GRK2: variants seen among roughly 807,000 people sequenced by gnomAD.
The protein encoded by GRK2 is G protein-coupled receptor kinase 2, also known as adrenergic beta receptor kinase 1.
A neutral mutation model predicts 97.8 loss-of-function variants in GRK2; 23 were observed. The ratio of observed to expected loss-of-function variants is 0.24; its 90% CI spans 0.17 to 0.33. GRK2 has a LOEUF of 0.33. Ranked by LOEUF, GRK2 falls within the 10% of genes least tolerant of loss-of-function variation. The pLI, the probability that GRK2 is intolerant of heterozygous loss-of-function variation, is 1.00. For missense variants in GRK2, 633 were observed against 956.9 expected (o/e 0.66, Z 4.47); for synonymous variants, 425 against 381.7 (o/e 1.11, Z -1.32).
chr11:67,280,408 G>A, intron 6 of GRK2: 2 of 461,424 alleles, frequency 4.3e-6, no homozygotes, highest in Non-Finnish European at 7.9e-6. Context: ...ATGCAAGCAG[G>A]GACAGGAGAC....
intron 1 of GRK2, among the ~76,000 whole-genome samples, chr11:67,267,856 G>A (rs1377636005): frequency 6.6e-6 from 1 of 152,212 alleles, no homozygotes; most frequent in Non-Finnish European, 1.5e-5. Flanking sequence ...GAGGTGAGTG[G>A]CCTGCCCCGA....
At position 67,285,459 on chromosome 11, in the gene GRK2, C is replaced by T; in HGVS notation, c.*9C>T. 6.5e-7 allele frequency: 1 copy of T among 1,528,904 alleles called. No individual in the cohort carries two copies. The highest frequency in any genetic ancestry group is 1.2e-5 in the South Asian group (1 of 80,906). 94.7% of individuals were successfully genotyped at this position (1,528,904 alleles called of 1,614,324 possible). On this transcript the variant is annotated 3_prime_UTR_variant, in exon 21 of 21. Coordinates refer to ENST00000308595, the MANE Select transcript of GRK2 (RefSeq NM_001619.5). ...GTGCCAACGGCCTCTGACCCGCCCA[C>T]CCGCCTTTTATAAACCTCTAATTTA... is the stretch of plus-strand genomic sequence containing the variant.
In GRK2 at chr11:67,284,284, CAG is replaced by C; in HGVS notation, c.1569_1570del (p.Glu523AspfsTer9). 6.2e-7 allele frequency: 1 copy of C among 1,613,474 alleles called. No individual in the cohort carries two copies. ...TCGGAGCGGTGGCAGCAGGAGGTGG[CAG>C]AGACTGTCTTCGACACCATCAACGC... On this transcript the variant is annotated frameshift_variant, in exon 18 of 21. Transcript: ENST00000308595. LOFTEE classifies it high-confidence loss of function.
chr11:67,280,492 C>T (rs945435292), intron 6 of GRK2: 54 of 587,624 alleles, frequency 9.2e-5, no homozygotes, highest in East Asian at 4.9e-4. Context: ...GATCTGATTC[C>T]AGCAGGAAGC....
Position 67,279,244 on chromosome 11 carries a change from G to T in GRK2, c.235G>T (p.Ala79Ser), listed in dbSNP as rs574869350. 3.7e-6 allele frequency: 6 copies of T among 1,613,696 alleles called. No homozygotes were observed. Among genetic ancestry groups the T allele is most frequent in the African/African-American group, 2.7e-5 (2 of 75,064 alleles). ...CTTCTGCCTGAACCACCTGGAGGAG[G>T]CCAGGCCCTTGGTGGAATTCTATGA... ...RDFCLNHLEE[A>S]RPLVEFYEEI... Residue 79 changes from alanine to serine, a missense_variant, in exon 3 of 21, where the codon GCC becomes TCC. This residue lies in a region of GRK2 where 193 missense variants were observed against 212.2 expected (regional missense o/e 0.91). Transcript: ENST00000308595.
At chr11:67,277,787 C>T (rs1304144510) in intron 2 of GRK2, among the ~76,000 whole-genome samples, 1 of 152,236 alleles carries the variant, frequency 6.6e-6, no homozygotes, top group Non-Finnish European at 1.5e-5. Flanking sequence ...CCCTCCATTC[C>T]TCCTCCAGCT....
In GRK2 at chr11:67,281,105, G is replaced by A; in HGVS notation, c.568G>A (p.Asp190Asn). 3.7e-6 allele frequency: 6 copies of A among 1,612,926 alleles called. No homozygotes were observed. Among genetic ancestry groups the A allele is most frequent in the South Asian group, 2.2e-5 (2 of 91,050 alleles). ...CGCTGCCCCTCAGCTGACCATGAAT[G>A]ACTTCAGCGTGCATCGCATCATTGG... Reference protein sequence around the residue: ...VELNIHLTMNDFSVHRIIGRG... With the variant: ...VELNIHLTMNNFSVHRIIGRG... The change falls in exon 8 of 21, where the codon GAC becomes AAC. Residue 190 changes from aspartate to asparagine, a missense_variant. By Grantham distance (23) the Asp-to-Asn change is conservative (BLOSUM62 1). Around this residue, in one of 4 missense-constraint regions of GRK2, gnomAD observed 192 missense variants for 362.3 expected, o/e 0.53. Coordinates refer to ENST00000308595, the MANE Select transcript of GRK2 (RefSeq NM_001619.5). This position sits in a 1 kb window ranked among gnomAD's most constrained non-coding sequence, Gnocchi z 5.7.
rs1860188301 is a variant in GRK2 at position 67,282,995 on chromosome 11, T to A, written c.1228-133T>A. On this transcript the variant is annotated intron_variant, in intron 14 of 20. Coordinates refer to ENST00000308595, the MANE Select transcript of GRK2 (RefSeq NM_001619.5). The surrounding 1 kb of genome is among the most constrained non-coding windows in gnomAD (Gnocchi z 6.9). ...TCGCCCTCCCCGTGCTGTTGGAGCA[T>A]GACTGCTGGGCGAGCTAGGATGCTG... is the stretch of plus-strand genomic sequence containing the variant. 1 of 1,184,208 alleles carries A rather than the reference T, an allele frequency of 8.4e-7. No homozygotes were observed. Among genetic ancestry groups the A allele is most frequent in the African/African-American group, 1.5e-5 (1 of 67,054 alleles). The allele number at this position is 1,184,208 out of a possible 1,614,324, so 73.4% of individuals were successfully genotyped here. A position where few individuals can be genotyped will look rare whatever the true frequency, so the allele number is the denominator to read the frequency against.
rs1343071055 is a variant in GRK2 at position 67,276,609 on chromosome 11, C to G, written c.114-663C>G. 2 of 152,136 alleles carry G rather than the reference C, an allele frequency of 1.3e-5. No individual in the cohort carries two copies. The highest frequency in any genetic ancestry group is 2.9e-5 in the Non-Finnish European group (2 of 68,034). The allele number at this position is 152,136 out of a possible 1,614,324, so 9.4% of individuals were successfully genotyped here. ...GAGATGCAATTCATATAAAATTCAT[C>G]ATTTTATTATACAATGTAGTGTTTT... On this transcript the variant is annotated intron_variant, in intron 1 of 20. Coordinates refer to ENST00000308595, the MANE Select transcript of GRK2 (RefSeq NM_001619.5). The surrounding 1 kb of genome is among the most constrained non-coding windows in gnomAD (Gnocchi z 4.2).
rs1467648746 is a variant in GRK2 at position 67,282,608 on chromosome 11, G to T, written c.1160+66G>T. 6.3e-7 allele frequency: 1 copy of T among 1,577,564 alleles called. No individual in the cohort carries two copies. The highest frequency in any genetic ancestry group is 1.3e-5 in the African/African-American group (1 of 74,302). On this transcript the variant is annotated intron_variant, in intron 13 of 20. Coordinates refer to ENST00000308595, the MANE Select transcript of GRK2 (RefSeq NM_001619.5). This position sits in a 1 kb window ranked among gnomAD's most constrained non-coding sequence, Gnocchi z 6.9. ...AGAGAAGTTCCTCCCCAATCCAGGT[G>T]GGATGCCAAAGGAGGGGAGCCCATA...
chr11:67,280,659 G>T, intron 6 of GRK2, 73 bp from the exon 7 acceptor site: 2 of 1,563,924 alleles, frequency 1.3e-6, no homozygotes, highest in Admixed American at 1.7e-5. Context: ...TGGCGGCTGG[G>T]TGGGGAGGCT....
In GRK2 at chr11:67,266,505, C is replaced by T. The variant is rs1385391070; in HGVS notation, c.-195C>T. 6 of 144,286 alleles carry T rather than the reference C, an allele frequency of 4.2e-5. No individual in the cohort carries two copies. In the South Asian group the frequency reaches 1.2e-3, roughly 30 times the overall value. 8.9% of individuals were successfully genotyped at this position (144,286 alleles called of 1,614,324 possible). A position where few individuals can be genotyped will look rare whatever the true frequency, so the allele number is the denominator to read the frequency against. ...GCGGGAGCGGAGCGCGAGCCGGGGC[C>T]GGGCCCGAGCCGGCGCCATGGGGCG... is the stretch of plus-strand genomic sequence containing the variant. On this transcript the variant is annotated 5_prime_UTR_variant, in exon 1 of 21. Coordinates refer to ENST00000308595, the MANE Select transcript of GRK2 (RefSeq NM_001619.5).
chr11:67,283,537 AC>A (rs1461207336), intron 15 of GRK2, 169 bp from the exon 16 acceptor site: 5 of 700,052 alleles, frequency 7.1e-6, no homozygotes, highest in Admixed American at 2.7e-5. Flanking sequence ...CAGTGTTAAA[AC>A]CCACAACCCT....
chr11:67,281,142 T>A lies in GRK2; in HGVS notation c.605T>A (p.Phe202Tyr). Residue 202 changes from phenylalanine (F) to tyrosine (Y), a missense_variant, in exon 8 of 21, where the codon TTT becomes TAT. Around this residue, in one of 4 missense-constraint regions of GRK2, gnomAD observed 192 missense variants for 362.3 expected, o/e 0.53. Coordinates refer to ENST00000308595, the MANE Select transcript of GRK2 (RefSeq NM_001619.5). The surrounding 1 kb of genome is among the most constrained non-coding windows in gnomAD (Gnocchi z 5.7). ...CATCGCATCATTGGGCGCGGGGGCTTTGGCGAGGTCTATGGGTGCCGGAAG... is the reference window on the plus strand; with the variant it reads ...CATCGCATCATTGGGCGCGGGGGCTATGGCGAGGTCTATGGGTGCCGGAAG... Reference protein sequence around the residue: ...SVHRIIGRGGFGEVYGCRKAD... With the variant: ...SVHRIIGRGGYGEVYGCRKAD... 1 of 1,613,506 alleles carries A rather than the reference T, an allele frequency of 6.2e-7. No individual in the cohort carries two copies. Among genetic ancestry groups the A allele is most frequent in the Non-Finnish European group, 8.5e-7 (1 of 1,179,794 alleles).
rs761021483 is a variant in GRK2, at chr11:67,281,455, G to T, written c.648-4G>T. 6.2e-7 allele frequency: 1 copy of T among 1,613,176 alleles called. No homozygotes were observed. Among genetic ancestry groups the T allele is most frequent in the Non-Finnish European group, 8.5e-7 (1 of 1,179,780 alleles). On this transcript the variant is annotated splice_polypyrimidine_tract_variant and splice_region_variant and intron_variant, in intron 8 of 20. Transcript: ENST00000308595. This position sits in a 1 kb window ranked among gnomAD's most constrained non-coding sequence, Gnocchi z 5.7. ...GGTGTTGACTGCCGACCTCTGCCCCGTAGGTACGCCATGAAGTGCCTGGAC... is the reference window on the plus strand; with the variant it reads ...GGTGTTGACTGCCGACCTCTGCCCCTTAGGTACGCCATGAAGTGCCTGGAC...
chr11:67,266,776 C>A lies in GRK2; in HGVS notation c.77C>A (p.Ala26Glu). 1 of 1,366,236 alleles carries A rather than the reference C, an allele frequency of 7.3e-7. No homozygotes were observed. Among genetic ancestry groups the A allele is most frequent in the Non-Finnish European group, 9.6e-7 (1 of 1,045,756 alleles). 84.6% of individuals were successfully genotyped at this position (1,366,236 alleles called of 1,614,324 possible). A position where few individuals can be genotyped will look rare whatever the true frequency, so the allele number is the denominator to read the frequency against. Reference sequence around the variant, plus strand: ...GAGAAGAGCAAGGCCACGCCGGCCGCGCGCGCCAGCAAGAAGATCCTGCTG... The same window carrying A: ...GAGAAGAGCAAGGCCACGCCGGCCGAGCGCGCCAGCAAGAAGATCCTGCTG... ...AMEKSKATPA[A>E]RASKKILLPE... The change falls in exon 1 of 21, where the codon GCG becomes GAG. Residue 26 changes from alanine to glutamate, a missense_variant. Physicochemically the swap from Ala to Glu is moderately radical, Grantham distance 107. Transcript: ENST00000308595.
Position 67,284,828 on chromosome 11 carries a change from C to T in GRK2, c.1655-19C>T. 6.2e-7 allele frequency: 1 copy of T among 1,610,630 alleles called. No homozygotes were observed. The highest frequency in any genetic ancestry group is 2.2e-5 in the East Asian group (1 of 44,862). ...AACCCAGGTGGGGCCGGCTGAGTCT[C>T]CTCTGTCTCTCGCCTCAGACTACGC... On this transcript the variant is annotated intron_variant, in intron 18 of 20. Coordinates refer to ENST00000308595, the MANE Select transcript of GRK2 (RefSeq NM_001619.5).
intron 14 of GRK2, 124 bp from the exon 15 acceptor site, chr11:67,283,004 G>T: frequency 1.7e-6 from 2 of 1,198,900 alleles, no homozygotes; most frequent in Non-Finnish European, 2.4e-6. Flanking sequence ...ATGACTGCTG[G>T]GCGAGCTAGG....
intron 1 of GRK2, among the ~76,000 whole-genome samples, chr11:67,267,905 T>C (rs1018994121): frequency 4.3e-4 from 66 of 152,318 alleles, no homozygotes; most frequent in African/African-American, 1.5e-3. Flanking sequence ...GGCCAACAGA[T>C]CAGGGCTTCA....
Sources: allele counts gnomAD v4.1 joint callset (sites outside exome capture counted in the v4.1 genomes callset), GRCh38; gene constraint gnomAD v4.1.1; regional missense constraint gnomAD v4.1.1; non-coding constraint Gnocchi (gnomAD v3.1); transcripts MANE v1.5; gene names NCBI Gene and HGNC (gene_info 2026-07-23, HGNC 2026-07-21).